Variants in CDH13 observed in about 807,000 individuals in gnomAD.
CDH13 encodes cadherin-13.
A neutral mutation model predicts 63.8 loss-of-function variants in CDH13; 24 were observed. That is an observed-to-expected ratio of 0.38 (90% confidence interval 0.27 to 0.53). CDH13 has a LOEUF of 0.53. Ranked by LOEUF, CDH13 falls within the 20% of genes least tolerant of loss-of-function variation. CDH13 has a pLI of 0.85. For missense variants in CDH13, 1,049 were observed against 903.1 expected (o/e 1.16, Z -2.07); for synonymous variants, 503 against 355.3 (o/e 1.42, Z -4.67).
At chr16:83,350,110 C>T (rs1360509232) in intron 6 of CDH13, among the ~76,000 whole-genome samples, 1 of 152,192 alleles carries the variant, frequency 6.6e-6, no homozygotes, top group East Asian at 1.9e-4. Flanking sequence ...CAGGCACTTG[C>T]CGCCAGCTGT....
At chr16:83,245,340 A>G (rs144787112) in intron 5 of CDH13, among the ~76,000 whole-genome samples, 1 of 152,356 alleles carries the variant, frequency 6.6e-6, no homozygotes, top group African/African-American at 2.4e-5. Context: ...AAATGCTGAG[A>G]AAATCCATAG....
chr16:83,619,991 G>A (rs1909657678), intron 8 of CDH13, among the ~76,000 whole-genome samples: 1 of 152,142 alleles, frequency 6.6e-6, no homozygotes, highest in South Asian at 2.1e-4. Context: ...AAAGAGTCAG[G>A]GAGGGTGTGA....
intron 2 of CDH13, among the ~76,000 whole-genome samples, chr16:82,883,872 T>C (rs2040789724): frequency 6.6e-6 from 1 of 152,182 alleles, no homozygotes; most frequent in African/African-American, 2.4e-5. Flanking sequence ...GCTGAAGAGC[T>C]CAGCCACTGG....
chr16:83,457,463 C>A (rs533701109), intron 6 of CDH13, among the ~76,000 whole-genome samples: 1 of 152,150 alleles, frequency 6.6e-6, no homozygotes, highest in African/African-American at 2.4e-5. Flanking sequence ...TCCCTTACCC[C>A]CTCTGCTTTT....
intron 6 of CDH13, among the ~76,000 whole-genome samples, chr16:83,410,014 C>G (rs545012342): frequency 5.3e-5 from 8 of 152,322 alleles, no homozygotes; most frequent in African/African-American, 1.9e-4. Flanking sequence ...CAACTTTTAT[C>G]AAAATGTATT....
chr16:83,608,866 T>C (rs1908602771), intron 8 of CDH13, among the ~76,000 whole-genome samples: 1 of 152,126 alleles, frequency 6.6e-6, no homozygotes, highest in Admixed American at 6.5e-5. Flanking sequence ...CAACCTCTAA[T>C]AGTTTTTCTC....
At chr16:83,160,235 T>G (rs1396568930) in intron 4 of CDH13, among the ~76,000 whole-genome samples, 1 of 152,150 alleles carries the variant, frequency 6.6e-6, no homozygotes, top group Non-Finnish European at 1.5e-5. Flanking sequence ...GTATCAAATG[T>G]ACCACTCTGG....
At chr16:82,922,615 G>C (rs12102479) in intron 2 of CDH13, among the ~76,000 whole-genome samples, 1 of 151,916 alleles carries the variant, frequency 6.6e-6, no homozygotes, top group Non-Finnish European at 1.5e-5. Flanking sequence ...TAACAAGTTG[G>C]TACTTATTTC....
intron 5 of CDH13, among the ~76,000 whole-genome samples, chr16:83,334,915 G>A (rs1436970173): frequency 6.6e-6 from 1 of 152,152 alleles, no homozygotes; most frequent in African/African-American, 2.4e-5. Context: ...TACCAAGCCT[G>A]TACATATATT....
intron 1 of CDH13, among the ~76,000 whole-genome samples, chr16:82,627,395 G>A (rs1907449769): frequency 1.4e-5 from 2 of 138,272 alleles, no homozygotes; most frequent in Non-Finnish European, 3.3e-5. Flanking sequence ...TTCGTTAACG[G>A]GAGGAGGAGA....
chr16:83,055,262 G>C (rs989523918), intron 3 of CDH13, among the ~76,000 whole-genome samples: 2 of 151,000 alleles, frequency 1.3e-5, no homozygotes, highest in African/African-American at 4.8e-5. Context: ...ATGGAGGGAA[G>C]GAAATAACAA....
At chr16:83,379,919 G>GTATATA (rs747045728) in intron 6 of CDH13, among the ~76,000 whole-genome samples, 1,713 of 126,292 alleles carry the variant, frequency 0.014, 19 homozygotes, top group East Asian at 0.027. Flanking sequence ...ATGTGTGTGT[G>GTATATA]TATATATATA....
intron 1 of CDH13, among the ~76,000 whole-genome samples, chr16:82,701,805 A>G (rs767685372): frequency 2.6e-5 from 4 of 151,988 alleles, no homozygotes; most frequent in Admixed American, 1.3e-4. Flanking sequence ...TCCTTCAACC[A>G]TTTGCTATGA....
At chr16:82,761,262 C>T (rs1278577109) in intron 1 of CDH13, among the ~76,000 whole-genome samples, 2 of 151,882 alleles carry the variant, frequency 1.3e-5, no homozygotes, top group Non-Finnish European at 2.9e-5. Flanking sequence ...AGGTGATCTG[C>T]CCTCCTCGGC....
intron 7 of CDH13, among the ~76,000 whole-genome samples, chr16:83,549,873 A>AAG (rs950664015): frequency 1.3e-5 from 2 of 151,994 alleles, no homozygotes; most frequent in African/African-American, 2.4e-5. Flanking sequence ...CAGGAGGTGA[A>AAG]AGAGAGAGAG....
intron 4 of CDH13, among the ~76,000 whole-genome samples, chr16:83,168,609 T>TA (rs35460189): frequency 2.0e-4 from 30 of 151,856 alleles, no homozygotes; most frequent in African/African-American, 4.1e-4. Flanking sequence ...AAATAAATTT[T>TA]AAAAAAAACG....
chr16:83,266,530 G>A (rs1907642087), intron 5 of CDH13, among the ~76,000 whole-genome samples: 1 of 152,074 alleles, frequency 6.6e-6, no homozygotes. Flanking sequence ...GTCTTATCAG[G>A]AACCCACTCC....
chr16:83,741,563 T>G (rs1440087637), intron 10 of CDH13, among the ~76,000 whole-genome samples: 1 of 152,044 alleles, frequency 6.6e-6, no homozygotes, highest in East Asian at 1.9e-4. Flanking sequence ...AGATCCATCT[T>G]CCATCTATTA....
At chr16:83,735,532 C>A (rs1911459541) in intron 10 of CDH13, 1 of 152,146 alleles carries the variant, frequency 6.6e-6, no homozygotes, top group African/African-American at 2.4e-5. Flanking sequence ...CAACATCTCC[C>A]CCTTCTTCAG....
Sources: allele counts gnomAD v4.1 joint callset (sites outside exome capture counted in the v4.1 genomes callset), GRCh38; gene constraint gnomAD v4.1.1; transcripts MANE v1.5; gene names NCBI Gene and HGNC (gene_info 2026-07-23, HGNC 2026-07-21).